The following DCC variants were observed in gnomAD, a reference collection of about 807,000 sequenced individuals.
DCC encodes DCC netrin 1 receptor.
Under a neutral mutation model 172.5 loss-of-function variants are expected in DCC, and 58 were observed. That is an observed-to-expected ratio of 0.34 (90% CI 0.27 to 0.42). The LOEUF (loss-of-function observed/expected upper bound fraction) is 0.42. DCC is among the 10% of genes least tolerant of loss of function. The pLI is 1.00. For synonymous variants in DCC, 709 were observed against 644.5 expected, an observed-to-expected ratio of 1.10 and a Z score of -1.52; for missense variants, 1,740 against 1,791.0, an observed-to-expected ratio of 0.97 and a Z score of 0.51.
intron 8 of DCC, among the ~76,000 whole-genome samples, chr18:53,168,102 T>C (rs80240724): frequency 0.018 from 2,695 of 152,264 alleles, 79 homozygotes; most frequent in African/African-American, 0.061. Context: ...AAGAATACTT[T>C]TACACTGTTG....
At chr18:53,523,241 A>C (rs770426086) in intron 27 of DCC, among the ~76,000 whole-genome samples, 4 of 152,096 alleles carry the variant, frequency 2.6e-5, no homozygotes, top group Non-Finnish European at 5.9e-5. Context: ...TTAGAATGGC[A>C]ATCATTAAAA....
intron 1 of DCC, among the ~76,000 whole-genome samples, chr18:52,696,252 T>A (rs563134651): frequency 6.6e-6 from 1 of 152,320 alleles, no homozygotes; most frequent in African/African-American, 2.4e-5. Flanking sequence ...GCCTTTCTGT[T>A]CCCTGTTATC....
chr18:52,872,137 A>G (rs12960147), intron 2 of DCC, among the ~76,000 whole-genome samples: 62,344 of 151,946 alleles, frequency 0.41, 13,286 homozygotes, highest in Non-Finnish European at 0.48. Flanking sequence ...GAGAGGACCA[A>G]AGAGGGATTA....
At chr18:52,669,701 G>A (rs972577270) in intron 1 of DCC, among the ~76,000 whole-genome samples, 2 of 152,160 alleles carry the variant, frequency 1.3e-5, no homozygotes, top group African/African-American at 4.8e-5. Flanking sequence ...AGTTCCTACT[G>A]TATCAGGCAT....
chr18:53,117,304 C>T (rs942967225), intron 7 of DCC, among the ~76,000 whole-genome samples: 2 of 151,622 alleles, frequency 1.3e-5, no homozygotes, highest in African/African-American at 4.8e-5. Flanking sequence ...GGTTTTTGAC[C>T]TACAAAAGCA....
intron 1 of DCC, among the ~76,000 whole-genome samples, chr18:52,528,214 A>G (rs1446477878): frequency 4.6e-5 from 7 of 152,194 alleles, no homozygotes; most frequent in Non-Finnish European, 8.8e-5. Flanking sequence ...TTTTCCCAGT[A>G]TCTCATTAGC....
intron 1 of DCC, among the ~76,000 whole-genome samples, chr18:52,542,481 A>C (rs1218116149): frequency 6.6e-6 from 1 of 152,136 alleles, no homozygotes; most frequent in Non-Finnish European, 1.5e-5. Context: ...AAACCATCAA[A>C]CATTGTAATG....
intron 5 of DCC, among the ~76,000 whole-genome samples, chr18:52,928,022 C>T (rs2040246513): frequency 6.6e-6 from 1 of 152,004 alleles, no homozygotes; most frequent in African/African-American, 2.4e-5. Context: ...ACCTAAATGC[C>T]AATCAGTGGT....
intron 1 of DCC, among the ~76,000 whole-genome samples, chr18:52,580,576 TA>T (rs1568239018): frequency 6.6e-6 from 1 of 152,176 alleles, no homozygotes; most frequent in Non-Finnish European, 1.5e-5. Flanking sequence ...ACAGACAAAT[TA>T]TTTTTTGCTT....
chr18:52,700,408 C>T (rs550738647), intron 1 of DCC, among the ~76,000 whole-genome samples: 6 of 151,962 alleles, frequency 3.9e-5, no homozygotes, highest in East Asian at 3.9e-4. Flanking sequence ...CACACACACA[C>T]GCACATGCAC....
At position 52,540,597 on chromosome 18, in the gene DCC, C is replaced by CTTTT. The variant is rs71175505; in HGVS notation, c.91+199743_91+199746dup. Among the ~76,000 whole-genome samples, 317 of 67,482 alleles carry CTTTT rather than the reference C, an allele frequency of 4.7e-3. 109 individuals are homozygous for CTTTT. The highest frequency in any genetic ancestry group is 0.014 in the Middle Eastern group (1 of 72). The allele number at this position is 67,482 out of a possible 152,430, so 44.3% of individuals were successfully genotyped here. On this transcript the variant is annotated intron_variant, in intron 1 of 28. Transcript: ENST00000442544. ...ACTACCGTTAGGTGTATTCAACTGC[C>CTTTT]TTTTTTTTTTTTTTTTTTTTTTTTT...
intron 5 of DCC, among the ~76,000 whole-genome samples, chr18:53,047,479 AGGAATCTTTTTTT>A (rs1568268557): frequency 0.018 from 1,169 of 63,782 alleles, 48 homozygotes; most frequent in African/African-American, 0.034. Flanking sequence ...TTTGCTATTG[AGGAATCTTTTTTT>A]TATTAAACTG....
intron 24 of DCC, among the ~76,000 whole-genome samples, chr18:53,466,069 G>T (rs553682055): frequency 6.6e-6 from 1 of 152,050 alleles, no homozygotes; most frequent in African/African-American, 2.4e-5. Context: ...CAGCCAAAGC[G>T]ATGCTTTTCT....
intron 12 of DCC, among the ~76,000 whole-genome samples, chr18:53,249,788 A>G (rs982960121): frequency 1.3e-5 from 2 of 151,986 alleles, no homozygotes; most frequent in African/African-American, 4.8e-5. Context: ...GGTTGTATAT[A>G]GTCAGCACTT....
At chr18:53,461,035 T>C (rs2045552505) in intron 24 of DCC, among the ~76,000 whole-genome samples, 2 of 152,250 alleles carry the variant, frequency 1.3e-5, no homozygotes, top group Non-Finnish European at 2.9e-5. Context: ...TGGCCAGTGA[T>C]GGTGAACATT....
chr18:52,969,881 A>C (rs948284252), intron 5 of DCC, among the ~76,000 whole-genome samples: 1 of 152,110 alleles, frequency 6.6e-6, no homozygotes, highest in Non-Finnish European at 1.5e-5. Flanking sequence ...CAGGTATTCA[A>C]TAAGTATTTG....
intron 1 of DCC, among the ~76,000 whole-genome samples, chr18:52,506,798 A>G (rs2031245052): frequency 6.6e-6 from 1 of 152,172 alleles, no homozygotes; most frequent in Non-Finnish European, 1.5e-5. Context: ...GGTCATAGAT[A>G]TAATTATTTC....
chr18:52,523,436 A>T (rs1210684457), intron 1 of DCC, among the ~76,000 whole-genome samples: 4 of 152,230 alleles, frequency 2.6e-5, no homozygotes, highest in Non-Finnish European at 4.4e-5. Context: ...ATTCAAAGAA[A>T]TAAACAAACT....
intron 12 of DCC, among the ~76,000 whole-genome samples, chr18:53,227,610 A>C (rs900359120): frequency 1.3e-5 from 2 of 152,204 alleles, no homozygotes; most frequent in Non-Finnish European, 2.9e-5. Flanking sequence ...GAAGTATGTT[A>C]ATAGTAGGAA....
Sources: allele counts gnomAD v4.1 joint callset (sites outside exome capture counted in the v4.1 genomes callset), GRCh38; gene constraint gnomAD v4.1.1; transcripts MANE v1.5; gene names NCBI Gene and HGNC (gene_info 2026-07-23, HGNC 2026-07-21).